Variants in RTN4 observed in about 807,000 individuals in gnomAD.
RTN4 encodes the protein reticulon 4, also known as reticulon-4.
RTN4 carries 32 observed loss-of-function variants against 90.4 expected under a neutral mutation model. The ratio of observed to expected loss-of-function variants is 0.35; its 90% CI spans 0.27 to 0.48. RTN4 has a LOEUF of 0.48. Among genes scored for constraint, RTN4 ranks in the 20% least tolerant of loss-of-function variants. The probability of loss-of-function intolerance (pLI) is 0.99; values close to 1 mark genes in which losing one functional copy is unlikely to be tolerated. For synonymous variants in RTN4, 629 were observed against 552.5 expected, an observed-to-expected ratio of 1.14 and a Z score of -1.94; for missense variants, 1,706 against 1,430.2, an observed-to-expected ratio of 1.19 and a Z score of -3.11.
At chr2:55,128,430 C>T in the RTN4 span, among the ~76,000 whole-genome samples, 12 of 152,108 alleles carry the variant, frequency 7.9e-5, no homozygotes, top group Admixed American at 3.3e-4. Context: ...TTGCTCTCTC[C>T]GATGAGGAAA....
At chr2:55,019,180 T>C (rs562944522) in intron 3 of RTN4, among the ~76,000 whole-genome samples, 9 of 152,258 alleles carry the variant, frequency 5.9e-5, no homozygotes, top group East Asian at 1.9e-4. Context: ...TGATAATTAA[T>C]TAGCTAATTA....
At chr2:55,086,550 G>T (rs1361848130) in intron 1 of RTN4, among the ~76,000 whole-genome samples, 1 of 151,788 alleles carries the variant, frequency 6.6e-6, no homozygotes, top group Non-Finnish European at 1.5e-5. Context: ...TGCGCCTGTA[G>T]TTCCAACTGC....
chr2:55,101,868 A>G (rs1256887775), intron 1 of RTN4, among the ~76,000 whole-genome samples: 2 of 152,172 alleles, frequency 1.3e-5, no homozygotes, highest in African/African-American at 2.4e-5. Context: ...TGTATATTTC[A>G]TCAGCACATT....
rs1038534768 is a variant in RTN4, at chr2:54,987,599, C to T, written c.3113G>A (p.Ser1038Asn). 2 of 1,614,198 alleles carry T rather than the reference C, an allele frequency of 1.2e-6. No individual in the cohort carries two copies. The highest frequency in any genetic ancestry group is 1.3e-5 in the African/African-American group (1 of 75,052). The change falls in exon 4 of 9, where the codon AGC (serine) becomes AAC (asparagine). Residue 1038 changes from serine (S) to asparagine (N), a missense_variant. Transcript: ENST00000337526. ...GGCCAAGGCAATGTAGGCTGTTACG[C>T]TCACAATGCTGAATACTGTCAATGA... ...LLSLTVFSIVSVTAYIALALL... is the reference protein window; with the variant it reads ...LLSLTVFSIVNVTAYIALALL...
At chr2:54,998,140 A>G (rs534980507) in intron 3 of RTN4, among the ~76,000 whole-genome samples, 1 of 151,628 alleles carries the variant, frequency 6.6e-6, no homozygotes, top group Admixed American at 6.6e-5. Context: ...TATGCAAGTT[A>G]TGAATTCTGT....
the RTN4 span, among the ~76,000 whole-genome samples, chr2:55,127,261 TC>T: frequency 4.5e-3 from 682 of 152,320 alleles, 4 homozygotes; most frequent in Non-Finnish European, 7.8e-3. Context: ...CCGCTGTTCT[TC>T]AGAACAAGAC....
At chr2:55,106,121 T>G (rs1197492222) in intron 1 of RTN4, among the ~76,000 whole-genome samples, 1 of 152,166 alleles carries the variant, frequency 6.6e-6, no homozygotes, top group South Asian at 2.1e-4. Context: ...AATATCATAC[T>G]GTTGAGATTT....
chr2:55,079,104 G>A (rs1668656369), intron 2 of RTN4, among the ~76,000 whole-genome samples: 1 of 152,190 alleles, frequency 6.6e-6, no homozygotes, highest in Non-Finnish European at 1.5e-5. Context: ...TGGTCACAGA[G>A]GTTTGGTGGT....
Position 54,973,091 on chromosome 2 carries a change from T to TCC in RTN4, c.*63_*64dup. The TCC allele has an allele frequency of 7.3e-7, 1 of 1,361,464 alleles. No individual in the cohort carries two copies. The highest frequency in any genetic ancestry group is 2.3e-5 in the East Asian group (1 of 42,958). 84.3% of individuals were successfully genotyped at this position (1,361,464 alleles called of 1,614,324 possible). A position where few individuals can be genotyped will look rare whatever the true frequency, so the allele number is the denominator to read the frequency against. On this transcript the variant is annotated 3_prime_UTR_variant, in exon 9 of 9. Transcript: ENST00000337526. ...GTCAAGGTTCGTTCTTCCCTGACCC[T>TCC]CCCCCGTATAATCAAATGAATATCC...
chr2:55,123,764 T>C, the RTN4 span, among the ~76,000 whole-genome samples: 43,553 of 151,722 alleles, frequency 0.29, 6,767 homozygotes, highest in African/African-American at 0.39. Flanking sequence ...AGTAACAAGA[T>C]CTTTTTGAAA....
chr2:55,081,375 C>A (rs576235453), intron 1 of RTN4, among the ~76,000 whole-genome samples: 8 of 152,082 alleles, frequency 5.3e-5, no homozygotes, highest in Non-Finnish European at 1.0e-4. Context: ...CCACAACCAG[C>A]CTTCACTCTC....
At chr2:55,136,259 T>G in the RTN4 span, among the ~76,000 whole-genome samples, 1 of 152,184 alleles carries the variant, frequency 6.6e-6, no homozygotes, top group African/African-American at 2.4e-5. Context: ...AAGGGAAGAA[T>G]ACCTCAAGTG....
chr2:54,982,224 A>C (rs2919127), intron 5 of RTN4, among the ~76,000 whole-genome samples: 1 of 151,918 alleles, frequency 6.6e-6, no homozygotes, highest in Admixed American at 6.6e-5. Flanking sequence ...CCAAAGTGCT[A>C]GGATTACAGG....
chr2:55,053,350 C>G (rs775505915), upstream of RTN4, among the ~76,000 whole-genome samples: 26 of 152,120 alleles, frequency 1.7e-4, no homozygotes, highest in Admixed American at 1.2e-3. Context: ...ATTCTAGATA[C>G]TAATAATAGT....
At chr2:55,010,959 G>A (rs1008365663) in intron 3 of RTN4, among the ~76,000 whole-genome samples, 1 of 152,058 alleles carries the variant, frequency 6.6e-6, no homozygotes, top group Non-Finnish European at 1.5e-5. Context: ...TCTTAGCTTG[G>A]GGAGATATAT....
intron 3 of RTN4, chr2:55,010,441 A>T: frequency 1.1e-6 from 1 of 944,900 alleles, no homozygotes; most frequent in Non-Finnish European, 1.3e-6. Context: ...AGGGCAGGCT[A>T]CCAAAAGAAA....
intron 2 of RTN4, among the ~76,000 whole-genome samples, chr2:55,068,590 A>G (rs1668434081): frequency 6.8e-6 from 1 of 147,572 alleles, no homozygotes; most frequent in Admixed American, 7.0e-5. Flanking sequence ...GTTTTTGATT[A>G]AAGTTCTGCT....
At chr2:54,973,429 T>C in intron 8 of RTN4, 134 bp downstream of exon 8, 1 of 791,746 alleles carries the variant, frequency 1.3e-6, no homozygotes, top group Non-Finnish European at 2.1e-6. Flanking sequence ...AAAAACAATC[T>C]TTTGGCAACT....
At position 55,025,682 on chromosome 2, in the gene RTN4, C is replaced by G. The variant is rs200432869; in HGVS notation, c.2417G>C (p.Ser806Thr). 6.2e-7 allele frequency: 1 copy of G among 1,613,818 alleles called. No individual in the cohort carries two copies. The highest frequency in any genetic ancestry group is 8.5e-7 in the Non-Finnish European group (1 of 1,179,826). ...GKPYLESFKL[S>T]LDNTKDTLLP... ...CAGGGTATCTTTTGTGTTATCTAAA[C>G]TGAGCTTAAAAGATTCCAAATATGG... The change falls in exon 3 of 9, where the codon AGT becomes ACT. Residue 806 changes from serine to threonine, a missense_variant. Transcript: ENST00000337526.
Sources: gnomAD v4.1 joint callset for allele counts (sites outside exome capture counted in the v4.1 genomes callset) on GRCh38, gnomAD v4.1.1 for gene constraint, MANE v1.5 for transcripts, NCBI Gene and HGNC (gene_info 2026-07-23, HGNC 2026-07-21) for gene names.